The following ADGRE2 variants were observed in gnomAD, a reference collection of about 807,000 sequenced individuals.
ADGRE2 encodes CD97 antigen.
ADGRE2 carries 83 observed loss-of-function variants against 100.8 expected under a neutral mutation model. The ratio of observed to expected loss-of-function variants is 0.82; its 90% confidence interval spans 0.69 to 0.99. The LOEUF (loss-of-function observed/expected upper bound fraction) is 0.99. Among genes scored for constraint, ADGRE2 ranks in the 50% least tolerant of loss-of-function variants. ADGRE2 has a pLI of 0.00. For synonymous variants in ADGRE2, 355 were observed against 413.0 expected (o/e 0.86, Z 1.70); for missense variants, 814 against 1,035.7 (o/e 0.79, Z 2.94).
intron 11 of ADGRE2, among the ~76,000 whole-genome samples, chr19:14,757,065 G>A (rs183064839): frequency 1.3e-5 from 2 of 152,006 alleles, no homozygotes; most frequent in Non-Finnish European, 2.9e-5. Context: ...ACCACAGCCA[G>A]CTAATTTTTA....
rs559658180 is a variant in ADGRE2, at chr19:14,734,486, A to C, written c.*1750T>G. On this transcript the variant is annotated 3_prime_UTR_variant, in exon 21 of 21. Coordinates refer to ENST00000315576, the MANE Select transcript of ADGRE2 (RefSeq NM_013447.4). Reference sequence around the variant, plus strand: ...CAGTGAGCAGTGTTTGTGCCATTGTACTCCAGCATGGGTGACAAAGCAAGA... The same window carrying C: ...CAGTGAGCAGTGTTTGTGCCATTGTCCTCCAGCATGGGTGACAAAGCAAGA... The C allele has an allele frequency of 6.6e-6, 1 of 152,258 alleles. No homozygotes were observed. The highest frequency in any genetic ancestry group is 2.4e-5 in the African/African-American group (1 of 41,530). 9.4% of individuals were successfully genotyped at this position (152,258 alleles called of 1,614,324 possible). A position where few individuals can be genotyped will look rare whatever the true frequency, so the allele number is the denominator to read the frequency against.
rs1568593557 is a variant in ADGRE2, at chr19:14,751,925, ATATATATT to A, written c.1789-262_1789-255del. ...CACACACACACACATATATATATAT[ATATATATT>A]TTTTTTTTTTTTTTTTTGAGACGGA... On this transcript the variant is annotated intron_variant, in intron 15 of 20. Transcript: ENST00000315576. Among the ~76,000 whole-genome samples the A allele has an allele frequency of 4.8e-5, 3 of 62,438 alleles. No individual in the cohort carries two copies. In the South Asian group the frequency reaches 2.5e-3, roughly 53 times the overall value. 41.0% of individuals were successfully genotyped at this position (62,438 alleles called of 152,430 possible). A position where few individuals can be genotyped will look rare whatever the true frequency, so the allele number is the denominator to read the frequency against.
chr19:14,742,077 CTGTTCCT>C, intron 20 of ADGRE2: 1 of 398,634 alleles, frequency 2.5e-6, no homozygotes, highest in African/African-American at 2.1e-5. Context: ...GCTTGAACCA[CTGTTCCT>C]GGCTGATTTA....
downstream of ADGRE2, among the ~76,000 whole-genome samples, chr19:14,727,653 G>A (rs566811431): frequency 2.1e-4 from 32 of 152,298 alleles, no homozygotes; most frequent in South Asian, 4.8e-3. Flanking sequence ...TTACATTTCA[G>A]TGTGAGATTT....
chr19:14,725,891 C>G, the ADGRE2 span, among the ~76,000 whole-genome samples: 327 of 152,290 alleles, frequency 2.1e-3, 4 homozygotes, highest in Non-Finnish European at 2.7e-3. Context: ...ATTCTGGGGT[C>G]TGGAGGGAGG....
At chr19:14,764,655 G>T in intron 10 of ADGRE2, 45 bp from the exon 11 acceptor site, 1 of 1,562,626 alleles carries the variant, frequency 6.4e-7, no homozygotes, top group Non-Finnish European at 8.7e-7. Context: ...GGGCCAGAGG[G>T]CCCGCATGAA....
At position 14,755,037 on chromosome 19, in the gene ADGRE2, T is replaced by C; in HGVS notation, c.1507A>G (p.Ile503Val). 2 of 1,614,070 alleles carry C rather than the reference T, an allele frequency of 1.2e-6. No homozygotes were observed. The highest frequency in any genetic ancestry group is 2.2e-5 in the East Asian group (1 of 44,872). The change falls in exon 14 of 21, where the codon ATA becomes GTA. Residue 503 changes from isoleucine (I) to valine (V), a missense_variant. Physicochemically the swap from Ile to Val is conservative, Grantham distance 29 (BLOSUM62 3). Transcript: ENST00000315576. The part of the protein sequence containing the change: ...GHWATTGCST[I>V]GTRDTSTICR... ...ATGGTGCTGGTGTCTCTGGTGCCTATTGTGCTGCAGCCTGTGGTGGCCCAG... is the reference window on the plus strand; with the variant it reads ...ATGGTGCTGGTGTCTCTGGTGCCTACTGTGCTGCAGCCTGTGGTGGCCCAG...
intron 18 of ADGRE2, among the ~76,000 whole-genome samples, chr19:14,744,253 A>G (rs2043018079): frequency 6.6e-6 from 1 of 151,952 alleles, no homozygotes; most frequent in South Asian, 2.1e-4. Context: ...CTCAAAAAAA[A>G]AAAAAGGATT....
In ADGRE2 at chr19:14,746,270, G is replaced by A; in HGVS notation, c.2145C>T (p.Ser715=). 6.2e-7 allele frequency: 1 copy of A among 1,610,884 alleles called. No homozygotes were observed. The part of the protein sequence containing the change: ...VTLWILKNRL[S]SLNSEVSTLR... ...GGGTGGACACTTCACTATTGAGGGA[G>A]GAGAGTCTGTTTTTCAAAATCCAGA... Residue 715 remains serine (S), a synonymous_variant, in exon 18 of 21, where the codon TCC becomes TCT. Transcript: ENST00000315576.
In ADGRE2 at chr19:14,774,043, A is replaced by T. The variant is rs1413736841; in HGVS notation, c.94T>A (p.Trp32Arg). 5 of 1,613,752 alleles carry T rather than the reference A, an allele frequency of 3.1e-6. No individual in the cohort carries two copies. The highest frequency in any genetic ancestry group is 4.2e-6 in the Non-Finnish European group (5 of 1,179,984). Reference sequence around the variant, plus strand: ...ACACACGAGGAGTCCTGAGGGCACCACCGGGCACAGCCTGCAAGAGCAGGG... The same window carrying T: ...ACACACGAGGAGTCCTGAGGGCACCTCCGGGCACAGCCTGCAAGAGCAGGG... ...ETQDSRGCAR[W>R]CPQDSSCVNA... Residue 32 changes from tryptophan (W) to arginine (R), a missense_variant, in exon 4 of 21, where the codon TGG (tryptophan) becomes AGG (arginine). Physicochemically the swap from Trp to Arg is moderately radical, Grantham distance 101 (BLOSUM62 -3). Coordinates refer to ENST00000315576, the MANE Select transcript of ADGRE2 (RefSeq NM_013447.4).
chr19:14,766,441 T>A (rs967887190), intron 6 of ADGRE2, 60 bp from the exon 7 acceptor site: 10 of 1,499,166 alleles, frequency 6.7e-6, no homozygotes, highest in Non-Finnish European at 5.4e-6. Flanking sequence ...TGCCCTCCAC[T>A]CACTGCACCC....
At chr19:14,756,432 A>G in intron 11 of ADGRE2, 87 bp from the exon 12 acceptor site, 1 of 790,132 alleles carries the variant, frequency 1.3e-6, no homozygotes, top group South Asian at 1.5e-5. Context: ...TATATATACT[A>G]TATACATATA....
intron 20 of ADGRE2, among the ~76,000 whole-genome samples, chr19:14,737,115 C>T (rs2042781180): frequency 6.6e-6 from 1 of 150,384 alleles, no homozygotes; most frequent in Admixed American, 6.6e-5. Flanking sequence ...TATCCCATAA[C>T]TTCATGGGTT....
At chr19:14,773,308 T>TCCTTCCTTCCTC (rs747881544) in intron 4 of ADGRE2, among the ~76,000 whole-genome samples, 1 of 145,594 alleles carries the variant, frequency 6.9e-6, no homozygotes, top group Non-Finnish European at 1.5e-5. Context: ...CTTCCTTCTT[T>TCCTTCCTTCCTC]CCTCCCTCCC....
intron 4 of ADGRE2, among the ~76,000 whole-genome samples, chr19:14,772,956 G>A (rs572023678): frequency 1.3e-5 from 2 of 151,626 alleles, no homozygotes; most frequent in East Asian, 3.9e-4. Flanking sequence ...GTGCATGCCT[G>A]TAATCCCAGC....
chr19:14,758,055 C>A (rs764192652), intron 11 of ADGRE2, among the ~76,000 whole-genome samples: 2 of 152,326 alleles, frequency 1.3e-5, no homozygotes, highest in East Asian at 3.9e-4. Flanking sequence ...AGGTGATCCG[C>A]CCACATTGGC....
downstream of ADGRE2, chr19:14,731,957 C>G (rs1277780050): frequency 6.6e-6 from 1 of 152,224 alleles, no homozygotes; most frequent in African/African-American, 2.4e-5. Context: ...CTGTGTTTCA[C>G]TTCTGCCATG....
chr19:14,774,512 T>G (rs149649725), intron 2 of ADGRE2, among the ~76,000 whole-genome samples: 12 of 151,396 alleles, frequency 7.9e-5, no homozygotes, highest in Middle Eastern at 3.4e-3. Context: ...GGGTGGGTTT[T>G]GTTTTGTTTT....
rs188478602 is a variant in ADGRE2 at position 14,754,834 on chromosome 19, G to T, written c.1590+120C>A. On this transcript the variant is annotated intron_variant, in intron 14 of 20. Transcript: ENST00000315576. ...CTGAGCAGAAAAGCCATCTTGCTATGCCAGCTTGCTGACCCAGAGCTGTGA... is the reference window on the plus strand; with the variant it reads ...CTGAGCAGAAAAGCCATCTTGCTATTCCAGCTTGCTGACCCAGAGCTGTGA... 481 of 1,112,626 alleles carry T rather than the reference G, an allele frequency of 4.3e-4. 1 individual carries two copies. The African/African-American group carries it at 6.6e-3, about 15-fold the overall frequency. 68.9% of individuals were successfully genotyped at this position (1,112,626 alleles called of 1,614,324 possible).
Sources: allele counts gnomAD v4.1 joint callset (sites outside exome capture counted in the v4.1 genomes callset), GRCh38; gene constraint gnomAD v4.1.1; transcripts MANE v1.5; gene names NCBI Gene and HGNC (gene_info 2026-07-23, HGNC 2026-07-21).